Variants in EPHB1 observed in about 807,000 individuals in gnomAD.
EPHB1 encodes the protein ephrin type-B receptor 1.
In EPHB1, 30 loss-of-function variants were observed where a neutral mutation model predicts 94.4. That is an observed-to-expected ratio of 0.32 (90% CI 0.24 to 0.43). The LOEUF is 0.43. EPHB1 is among the 20% of genes least tolerant of loss of function. EPHB1 has a pLI of 1.00. For missense variants in EPHB1, 1,055 were observed against 1,308.3 expected (o/e 0.81, Z 2.99); for synonymous variants, 522 against 489.1 (o/e 1.07, Z -0.89).
At chr3:134,986,028 C>G (rs1243989305) in intron 3 of EPHB1, among the ~76,000 whole-genome samples, 2 of 152,168 alleles carry the variant, frequency 1.3e-5, no homozygotes, top group Admixed American at 1.3e-4. Flanking sequence ...ACACAGATTT[C>G]ACTCCCAATA....
At chr3:135,075,172 A>G (rs1317849290) in intron 3 of EPHB1, among the ~76,000 whole-genome samples, 1 of 152,166 alleles carries the variant, frequency 6.6e-6, no homozygotes, top group Non-Finnish European at 1.5e-5. Flanking sequence ...AACTATCCCC[A>G]ACCAGCCCTG....
At chr3:135,199,075 A>C (rs969877503) in intron 11 of EPHB1, among the ~76,000 whole-genome samples, 2 of 152,238 alleles carry the variant, frequency 1.3e-5, no homozygotes, top group African/African-American at 4.8e-5. Flanking sequence ...AAATGTAGAC[A>C]CATTGCTGCA....
Position 135,250,992 on chromosome 3 carries a change from G to A in EPHB1, c.2846+1501G>A, listed in dbSNP as rs1369745872. Among the ~76,000 whole-genome samples, 18 of 151,778 alleles carry A rather than the reference G, an allele frequency of 1.2e-4. 1 individual carries two copies. Among genetic ancestry groups the A allele is most frequent in the Admixed American group, 8.5e-4 (13 of 15,236 alleles). On this transcript the variant is annotated intron_variant, in intron 15 of 15. Transcript: ENST00000398015. ...GCTGAGCCCCCAGGGACAGCTTCCT[G>A]ACATTCCAACAGTTTTCCTGCCAAT...
intron 2 of EPHB1, among the ~76,000 whole-genome samples, chr3:134,937,912 C>CT (rs113610495): frequency 0.44 from 54,280 of 122,542 alleles, 13,128 homozygotes; most frequent in African/African-American, 0.56. Context: ...TGGTTCCCTC[C>CT]TTTTTTTTTT....
intron 5 of EPHB1, among the ~76,000 whole-genome samples, chr3:135,143,996 TG>T (rs1940921416): frequency 6.6e-6 from 1 of 152,092 alleles, no homozygotes; most frequent in Non-Finnish European, 1.5e-5. Context: ...CCACCATAGG[TG>T]GGGACCCCTG....
chr3:135,138,749 A>AT (rs1197646698), intron 5 of EPHB1, among the ~76,000 whole-genome samples: 1 of 152,172 alleles, frequency 6.6e-6, no homozygotes, highest in Non-Finnish European at 1.5e-5. Context: ...AGCAAATAAA[A>AT]TTTTCACTGT....
At chr3:134,802,089 A>C (rs1461572685) in intron 1 of EPHB1, among the ~76,000 whole-genome samples, 1 of 152,116 alleles carries the variant, frequency 6.6e-6, no homozygotes, top group Non-Finnish European at 1.5e-5. Flanking sequence ...TGGTAGAGAG[A>C]GTAGCAGGGA....
At chr3:135,217,473 C>CGG (rs1559878829) in intron 12 of EPHB1, among the ~76,000 whole-genome samples, 1 of 149,028 alleles carries the variant, frequency 6.7e-6, no homozygotes, top group Admixed American at 6.7e-5. Flanking sequence ...CACACGCACA[C>CGG]GGGGAGAGAG....
chr3:135,132,184 T>C (rs1940442800), intron 4 of EPHB1, among the ~76,000 whole-genome samples: 1 of 152,152 alleles, frequency 6.6e-6, no homozygotes, highest in Non-Finnish European at 1.5e-5. Context: ...ATTCAGGTGC[T>C]CTGGAAGCCT....
chr3:135,218,024 C>T (rs989035717), intron 12 of EPHB1, among the ~76,000 whole-genome samples: 1 of 152,116 alleles, frequency 6.6e-6, no homozygotes, highest in African/African-American at 2.4e-5. Context: ...TTCTTCTCTT[C>T]TGATTCATGG....
At chr3:135,222,315 GA>G (rs1313613300) in intron 12 of EPHB1, among the ~76,000 whole-genome samples, 1 of 152,184 alleles carries the variant, frequency 6.6e-6, no homozygotes, top group Non-Finnish European at 1.5e-5. Context: ...CATAAAATGG[GA>G]ATGGGGATCC....
intron 1 of EPHB1, among the ~76,000 whole-genome samples, chr3:134,884,892 TTGAG>T (rs1431162248): frequency 1.3e-5 from 2 of 152,240 alleles, no homozygotes; most frequent in Non-Finnish European, 2.9e-5. Context: ...CAAGCATTTA[TTGAG>T]TGTGTATGTA....
At chr3:134,912,589 G>A (rs114039979) in intron 1 of EPHB1, among the ~76,000 whole-genome samples, 19 of 152,330 alleles carry the variant, frequency 1.2e-4, no homozygotes, top group African/African-American at 4.6e-4. Context: ...GTGTCAGGAA[G>A]GAATCTGAGT....
At chr3:135,157,122 T>C (rs1324757116) in intron 6 of EPHB1, among the ~76,000 whole-genome samples, 2 of 152,138 alleles carry the variant, frequency 1.3e-5, no homozygotes, top group Non-Finnish European at 2.9e-5. Flanking sequence ...AACAAAGAAG[T>C]TAATAAAACA....
At position 135,166,993 on chromosome 3, in the gene EPHB1, C is replaced by T. The variant is rs763512167; in HGVS notation, c.1746C>T (p.Tyr582=). The change falls in exon 9 of 16, where the codon TAC becomes TAT. Residue 582 remains tyrosine (Y), a synonymous_variant. Transcript: ENST00000398015. Reference sequence around the variant, plus strand: ...TGTACAGCGATAAGCTCCAGCATTACAGCACAGGCCGAGGTAAGTAGAAAG... The same window carrying T: ...TGTACAGCGATAAGCTCCAGCATTATAGCACAGGCCGAGGTAAGTAGAAAG... ...EAVYSDKLQH[Y]STGRGSPGMK... 1 of 1,614,172 alleles carries T rather than the reference C, an allele frequency of 6.2e-7. No individual in the cohort carries two copies. Among genetic ancestry groups the T allele is most frequent in the Non-Finnish European group, 8.5e-7 (1 of 1,180,016 alleles).
At chr3:135,062,414 G>C (rs1418603335) in intron 3 of EPHB1, among the ~76,000 whole-genome samples, 1 of 152,128 alleles carries the variant, frequency 6.6e-6, no homozygotes, top group Non-Finnish European at 1.5e-5. Context: ...TTGCACTGTG[G>C]TTTTGATTTG....
chr3:134,854,845 G>C (rs779247014), intron 1 of EPHB1, among the ~76,000 whole-genome samples: 5 of 151,882 alleles, frequency 3.3e-5, no homozygotes, highest in Non-Finnish European at 7.4e-5. Context: ...AATTTTTGTT[G>C]CCTTTTTTCA....
intron 4 of EPHB1, among the ~76,000 whole-genome samples, chr3:135,109,005 A>G (rs1481778857): frequency 2.0e-5 from 3 of 152,124 alleles, no homozygotes; most frequent in Non-Finnish European, 4.4e-5. Context: ...ATGGGAGGGA[A>G]CAAGGGGAAG....
chr3:134,920,773 C>G (rs1033797199), intron 1 of EPHB1, among the ~76,000 whole-genome samples: 2 of 152,316 alleles, frequency 1.3e-5, no homozygotes, highest in South Asian at 4.1e-4. Context: ...CAGTACCTGC[C>G]TCTTCTTCCT....
Sources: allele counts gnomAD v4.1 joint callset (sites outside exome capture counted in the v4.1 genomes callset), GRCh38; gene constraint gnomAD v4.1.1; transcripts MANE v1.5; gene names NCBI Gene and HGNC (gene_info 2026-07-23, HGNC 2026-07-21).